PTN: variants seen among roughly 807,000 people sequenced by gnomAD.
PTN encodes the protein pleiotrophin, also known as heparin affin regulatory protein.
PTN carries 18 observed loss-of-function variants against 24.1 expected under a neutral mutation model. The ratio of observed to expected loss-of-function variants is 0.75; its 90% CI spans 0.52 to 1.11. The LOEUF is 1.11. Among genes scored for constraint, PTN ranks in the 50% least tolerant of loss-of-function variants. PTN has a pLI of 0.00. For synonymous variants in PTN, 78 were observed against 68.6 expected (o/e 1.14, Z -0.67); for missense variants, 163 against 198.8 (o/e 0.82, Z 1.08).
chr7:137,241,130 C>T (rs1173498455), intron 4 of PTN, among the ~76,000 whole-genome samples: 6 of 152,122 alleles, frequency 3.9e-5, no homozygotes, highest in African/African-American at 1.2e-4. Context: ...CATCAACTCT[C>T]GTGAGAACTC....
At chr7:137,258,911 T>C (rs1472435438) in intron 1 of PTN, among the ~76,000 whole-genome samples, 1 of 152,104 alleles carries the variant, frequency 6.6e-6, no homozygotes, top group Non-Finnish European at 1.5e-5. Flanking sequence ...TTTTTTTTAA[T>C]CTGGGGAAAA....
intron 3 of PTN, among the ~76,000 whole-genome samples, 199 bp from the exon 4 acceptor site, chr7:137,251,590 C>T (rs1412796116): frequency 6.6e-6 from 1 of 151,958 alleles, no homozygotes; most frequent in Non-Finnish European, 1.5e-5. Flanking sequence ...CATACGATCA[C>T]CATCAATATA....
At chr7:137,232,886 TTC>T (rs1808452061) in intron 4 of PTN, among the ~76,000 whole-genome samples, 3 of 151,948 alleles carry the variant, frequency 2.0e-5, no homozygotes, top group Admixed American at 2.0e-4. Flanking sequence ...CTTGCATTCA[TTC>T]TCTTTCCTGC....
intron 4 of PTN, among the ~76,000 whole-genome samples, chr7:137,241,403 T>G (rs1051901248): frequency 1.3e-5 from 2 of 152,188 alleles, no homozygotes; most frequent in African/African-American, 4.8e-5. Flanking sequence ...CAAAACACAC[T>G]AAGCTCTCCG....
chr7:137,249,587 T>C (rs1419007621), intron 4 of PTN, among the ~76,000 whole-genome samples: 1 of 152,198 alleles, frequency 6.6e-6, no homozygotes, highest in Non-Finnish European at 1.5e-5. Context: ...CTGAATATTT[T>C]GGTTCTACAG....
intron 4 of PTN, among the ~76,000 whole-genome samples, chr7:137,246,748 A>G (rs897836223): frequency 7.2e-5 from 11 of 152,160 alleles, no homozygotes; most frequent in African/African-American, 2.4e-4. Flanking sequence ...AGACATAAAG[A>G]TTCATCTAAT....
At chr7:137,291,902 T>C (rs1206855004) in intron 1 of PTN, among the ~76,000 whole-genome samples, 1 of 152,138 alleles carries the variant, frequency 6.6e-6, no homozygotes, top group Non-Finnish European at 1.5e-5. Flanking sequence ...ACTTGAGAAG[T>C]AGATGTAACT....
chr7:137,234,608 T>C (rs569163669), intron 4 of PTN, among the ~76,000 whole-genome samples: 25 of 152,090 alleles, frequency 1.6e-4, no homozygotes, highest in African/African-American at 5.8e-4. Context: ...ATTAAGAAAA[T>C]CTGGGAGAAA....
At chr7:137,343,161 A>G (rs1810562433) in intron 1 of PTN, among the ~76,000 whole-genome samples, 1 of 152,218 alleles carries the variant, frequency 6.6e-6, no homozygotes, top group South Asian at 2.1e-4. Flanking sequence ...TCCAGCTGGT[A>G]GCTGGAACAC....
At chr7:137,243,231 G>C (rs1379240861) in intron 4 of PTN, among the ~76,000 whole-genome samples, 1 of 152,180 alleles carries the variant, frequency 6.6e-6, no homozygotes, top group Admixed American at 6.5e-5. Context: ...CACTGTGCCC[G>C]GCCTGCTCTG....
chr7:137,281,847 A>G (rs1189900534), intron 1 of PTN, among the ~76,000 whole-genome samples: 1 of 152,218 alleles, frequency 6.6e-6, no homozygotes, highest in Non-Finnish European at 1.5e-5. Flanking sequence ...TGCCTGTGCT[A>G]AGAGCTTTAT....
intron 4 of PTN, among the ~76,000 whole-genome samples, chr7:137,237,988 T>A (rs187451185): frequency 3.4e-4 from 52 of 152,338 alleles, no homozygotes; most frequent in Admixed American, 2.7e-3. Context: ...CCTGCATGCA[T>A]GAACACTAGG....
intron 4 of PTN, among the ~76,000 whole-genome samples, chr7:137,239,582 G>T (rs1274016557): frequency 6.6e-6 from 1 of 151,518 alleles, no homozygotes; most frequent in Non-Finnish European, 1.5e-5. Flanking sequence ...CCCAGAGTGT[G>T]ATGTTTCCCT....
chr7:137,269,624 A>ATTTTTTTTTTTTTTTTTTTTTTT (rs869311084), intron 1 of PTN, among the ~76,000 whole-genome samples: 2 of 63,010 alleles, frequency 3.2e-5, no homozygotes, highest in African/African-American at 1.5e-4. Flanking sequence ...TGCTTCATCT[A>ATTTTTTTTTTTTTTTTTTTTTTT]TTTTTTTTTT....
intron 4 of PTN, among the ~76,000 whole-genome samples, chr7:137,242,844 G>A (rs777142549): frequency 3.3e-5 from 5 of 152,302 alleles, no homozygotes; most frequent in South Asian, 2.1e-4. Context: ...GCACCCCCAC[G>A]GACGGGTCCA....
chr7:137,268,461 C>T (rs1809203173), intron 1 of PTN, among the ~76,000 whole-genome samples: 1 of 151,950 alleles, frequency 6.6e-6, no homozygotes, highest in Admixed American at 6.6e-5. Context: ...TCCTCAGGTG[C>T]TCAACTTCTG....
intron 1 of PTN, among the ~76,000 whole-genome samples, chr7:137,305,511 T>G (rs1288704962): frequency 1.3e-5 from 2 of 152,128 alleles, no homozygotes. Context: ...GTTCCCCTAC[T>G]TCCTCACTGA....
intron 1 of PTN, among the ~76,000 whole-genome samples, chr7:137,260,015 C>T (rs1004254826): frequency 6.6e-6 from 1 of 152,060 alleles, no homozygotes; most frequent in Non-Finnish European, 1.5e-5. Context: ...ATAGCTACTA[C>T]TCATTACACT....
At chr7:137,278,945 C>CAATAATAATAAT (rs59932923) in intron 1 of PTN, among the ~76,000 whole-genome samples, 5,192 of 134,180 alleles carry the variant, frequency 0.039, 120 homozygotes, top group Admixed American at 0.045. Flanking sequence ...CATCTCAGAA[C>CAATAATAATAAT]AATAATAATA....
Sources: allele counts gnomAD v4.1 joint callset (sites outside exome capture counted in the v4.1 genomes callset), GRCh38; gene constraint gnomAD v4.1.1; transcripts MANE v1.5; gene names NCBI Gene and HGNC (gene_info 2026-07-23, HGNC 2026-07-21).